The following MBNL3 variants were observed in gnomAD, a reference collection of about 807,000 sequenced individuals.
MBNL3 encodes the protein muscleblind-like protein 3.
MBNL3 carries 6 observed loss-of-function variants against 24.5 expected under a neutral mutation model. The ratio of observed to expected loss-of-function variants is 0.25; its 90% CI spans 0.13 to 0.48. MBNL3 has a LOEUF of 0.48. Ranked by LOEUF, MBNL3 falls within the 20% of genes least tolerant of loss-of-function variation. The pLI, the probability that MBNL3 is intolerant of heterozygous loss-of-function variation, is 0.99. For missense variants in MBNL3, 230 were observed against 293.5 expected, an observed-to-expected ratio of 0.78 and a Z score of 1.58; for synonymous variants, 100 against 101.7, an observed-to-expected ratio of 0.98 and a Z score of 0.10.
chrX:132,444,474 G>A (rs1438288070), intron 1 of MBNL3, among the ~76,000 whole-genome samples: 4 of 111,063 alleles, frequency 3.6e-5, no homozygotes, highest in Non-Finnish European at 7.5e-5. Flanking sequence ...CAACAAGATC[G>A]TATAAAAATA....
chrX:132,437,982 G>A (rs988155253), intron 2 of MBNL3: 4 of 476,742 alleles, frequency 8.4e-6, no homozygotes, highest in African/African-American at 7.9e-5. Context: ...TAGTAATCAC[G>A]AAATAAGTAA....
At chrX:132,445,209 T>C (rs1346598706) in intron 1 of MBNL3, among the ~76,000 whole-genome samples, 1 of 112,153 alleles carries the variant, frequency 8.9e-6, no homozygotes, top group Non-Finnish European at 1.9e-5. Context: ...TGGTCATTTA[T>C]TTTGGCTCTA....
upstream of MBNL3, among the ~76,000 whole-genome samples, chrX:132,489,547 C>G (rs2148565964): frequency 8.9e-6 from 1 of 111,871 alleles, no homozygotes; most frequent in African/African-American, 3.2e-5. Flanking sequence ...CCGCCGGACG[C>G]CAGACGTCCC....
At position 132,472,753 on chromosome X, in the gene MBNL3, C is replaced by A. The variant is rs1947245979; in HGVS notation, c.-704+16098G>T. On this transcript the variant is annotated intron_variant, in intron 1 of 8. Transcript: ENST00000370853. ...TTTCTATAGGTTTCCCATTTTAATT[C>A]TCTTAATTTCATTGTGTAAAACTTG... Among the ~76,000 whole-genome samples the A allele has an allele frequency of 2.7e-5, 3 of 111,947 alleles. No individual in the cohort carries two copies. The South Asian group carries it at 1.1e-3, about 41-fold the overall frequency.
At position 132,440,160 on chromosome X, in the gene MBNL3, T is replaced by C. The variant is rs1339549176; in HGVS notation, c.-549A>G. Among the ~76,000 whole-genome samples, 1 of 109,691 alleles carries C rather than the reference T, an allele frequency of 9.1e-6. No individual in the cohort carries two copies. The highest frequency in any genetic ancestry group is 1.9e-5 in the Non-Finnish European group (1 of 52,681). On this transcript the variant is annotated 5_prime_UTR_variant, in exon 2 of 9. Transcript: ENST00000370853. ...AATTGAGAATCACAGAAAAAAGAAATGGACCAGCTGCTGACAGTAAACTAC... is the reference window on the plus strand; with the variant it reads ...AATTGAGAATCACAGAAAAAAGAAACGGACCAGCTGCTGACAGTAAACTAC...
chrX:132,423,307 A>G (rs1943994462), intron 2 of MBNL3, among the ~76,000 whole-genome samples: 1 of 111,509 alleles, frequency 9.0e-6, no homozygotes, highest in Non-Finnish European at 1.9e-5. Flanking sequence ...TGTTTTCTAA[A>G]TGTTTTCTGT....
At chrX:132,382,068 C>T (rs889229670) in intron 8 of MBNL3, 110 bp downstream of exon 8, 2 of 639,027 alleles carry the variant, frequency 3.1e-6, no homozygotes, top group Non-Finnish European at 4.7e-6. Context: ...CTAAATGTGA[C>T]AATGGCTTAA....
At chrX:132,481,173 A>G (rs778968027) in intron 1 of MBNL3, among the ~76,000 whole-genome samples, 1 of 112,261 alleles carries the variant, frequency 8.9e-6, no homozygotes, top group South Asian at 3.7e-4. Context: ...ACCGTTTCTG[A>G]GTGCCTCTGT....
intron 1 of MBNL3, among the ~76,000 whole-genome samples, chrX:132,488,201 T>TCTAGCTAGCTAGCTAGCTAGCTAG (rs746158801): frequency 9.1e-6 from 1 of 110,455 alleles, no homozygotes; most frequent in African/African-American, 3.3e-5. Flanking sequence ...TTATCTATCA[T>TCTAGCTAGCTAGCTAGCTAGCTAG]CTAGCTAGCT....
intron 2 of MBNL3, among the ~76,000 whole-genome samples, chrX:132,407,700 G>C (rs1162634043): frequency 9.0e-6 from 1 of 111,392 alleles, no homozygotes; most frequent in African/African-American, 3.3e-5. Context: ...CCCCATAAAT[G>C]TACCCCTAAG....
At chrX:132,485,624 C>T (rs1391865121) in intron 1 of MBNL3, among the ~76,000 whole-genome samples, 1 of 112,048 alleles carries the variant, frequency 8.9e-6, no homozygotes, top group Non-Finnish European at 1.9e-5. Context: ...ATCTGGTATC[C>T]TTAAGACCTA....
At chrX:132,400,925 C>T (rs1569430377) in intron 3 of MBNL3, among the ~76,000 whole-genome samples, 1 of 111,687 alleles carries the variant, frequency 9.0e-6, no homozygotes, top group Non-Finnish European at 1.9e-5. Context: ...GCTTGTCTTT[C>T]CTAACTTGAA....
chrX:132,448,212 G>T (rs921791148), intron 1 of MBNL3, among the ~76,000 whole-genome samples: 1 of 111,739 alleles, frequency 8.9e-6, no homozygotes, highest in African/African-American at 3.3e-5. Flanking sequence ...GTTTCAGAAG[G>T]AATGGGACCA....
At chrX:132,383,064 G>A (rs1193955788) in intron 7 of MBNL3, among the ~76,000 whole-genome samples, 2 of 112,259 alleles carry the variant, frequency 1.8e-5, no homozygotes, top group African/African-American at 6.5e-5. Context: ...CATTTAGAAA[G>A]CGTTTTGGGT....
At chrX:132,475,026 A>G (rs1947364532) in intron 1 of MBNL3, among the ~76,000 whole-genome samples, 1 of 111,678 alleles carries the variant, frequency 9.0e-6, no homozygotes, top group Non-Finnish European at 1.9e-5. Flanking sequence ...ACAAAAAAAA[A>G]TCCTCCTGTG....
chrX:132,394,853 T>G (rs1234929627), intron 3 of MBNL3, among the ~76,000 whole-genome samples: 2 of 111,811 alleles, frequency 1.8e-5, no homozygotes, highest in Non-Finnish European at 3.8e-5. Context: ...CTTTCTTAGG[T>G]TTGTTATATG....
intron 2 of MBNL3, among the ~76,000 whole-genome samples, chrX:132,422,983 C>T (rs915425471): frequency 6.3e-5 from 7 of 111,639 alleles, no homozygotes; most frequent in East Asian, 2.8e-4. Flanking sequence ...TTGTCCTATC[C>T]GACAATGGAT....
At chrX:132,382,786 AC>A (rs1374719782) in intron 7 of MBNL3, among the ~76,000 whole-genome samples, 5 of 112,085 alleles carry the variant, frequency 4.5e-5, no homozygotes, top group Non-Finnish European at 9.4e-5. Flanking sequence ...TTATATGTAT[AC>A]TTACCTGATC....
intron 1 of MBNL3, among the ~76,000 whole-genome samples, chrX:132,441,891 C>A (rs1243536560): frequency 8.9e-6 from 1 of 112,188 alleles, no homozygotes; most frequent in African/African-American, 3.2e-5. Flanking sequence ...GGTATATCCA[C>A]ACAATGGAAT....
Sources: allele counts gnomAD v4.1 joint callset (sites outside exome capture counted in the v4.1 genomes callset), GRCh38; gene constraint gnomAD v4.1.1; transcripts MANE v1.5; gene names NCBI Gene and HGNC (gene_info 2026-07-23, HGNC 2026-07-21).